Variants in CFAP20DC observed in about 807,000 individuals in gnomAD.
CFAP20DC encodes CFAP20 domain containing.
Under a neutral mutation model 101.7 loss-of-function variants are expected in CFAP20DC, and 84 were observed. The observed-to-expected ratio is 0.83, with a 90% confidence interval of 0.69 to 0.99. CFAP20DC has a LOEUF of 0.99. Ranked by LOEUF, CFAP20DC falls within the 50% of genes least tolerant of loss-of-function variation. The pLI, the probability that CFAP20DC is intolerant of heterozygous loss-of-function variation, is 0.00. For missense variants in CFAP20DC, 1,007 were observed against 970.3 expected, an observed-to-expected ratio of 1.04 and a Z score of -0.50; for synonymous variants, 359 against 351.2, an observed-to-expected ratio of 1.02 and a Z score of -0.25.
chr3:58,781,256 T>C (rs1199844727), intron 15 of CFAP20DC, among the ~76,000 whole-genome samples: 1 of 148,694 alleles, frequency 6.7e-6, no homozygotes, highest in Non-Finnish European at 1.5e-5. Flanking sequence ...AAAAACACAG[T>C]GTACCAAAAC....
At chr3:58,919,313 G>T (rs745877334) in intron 5 of CFAP20DC, among the ~76,000 whole-genome samples, 1 of 151,904 alleles carries the variant, frequency 6.6e-6, no homozygotes, top group Non-Finnish European at 1.5e-5. Context: ...CAATTTGCTC[G>T]TTCTTCTGTT....
chr3:59,003,966 T>A (rs1226811187), intron 4 of CFAP20DC, among the ~76,000 whole-genome samples: 1 of 152,226 alleles, frequency 6.6e-6, no homozygotes, highest in Non-Finnish European at 1.5e-5. Context: ...CTCTTCTCTT[T>A]GTGAAACATA....
At position 58,861,664 on chromosome 3, in the gene CFAP20DC, A is replaced by G. The variant is rs952966447; in HGVS notation, c.1593+1894T>C. 4 of 985,290 alleles carry G rather than the reference A, an allele frequency of 4.1e-6. No homozygotes were observed. The highest frequency in any genetic ancestry group is 4.8e-6 in the Non-Finnish European group (4 of 829,930). 61.0% of individuals were successfully genotyped at this position (985,290 alleles called of 1,614,324 possible). ...CTTGTATCTCGTTAGTCTCTGTACC[A>G]GCAAACCCCAAAGCTTGATAATGTG... On this transcript the variant is annotated intron_variant, in intron 12 of 16. Transcript: ENST00000482387. This position sits in a 1 kb window ranked among gnomAD's most constrained non-coding sequence, Gnocchi z 4.0.
intron 5 of CFAP20DC, among the ~76,000 whole-genome samples, chr3:58,932,969 A>C (rs2086935510): frequency 6.6e-6 from 1 of 152,242 alleles, no homozygotes; most frequent in Admixed American, 6.5e-5. Flanking sequence ...ATTAAAAAAC[A>C]CAGACTGGCA....
intron 4 of CFAP20DC, among the ~76,000 whole-genome samples, chr3:59,033,532 G>A (rs1442750838): frequency 6.6e-6 from 1 of 152,094 alleles, no homozygotes; most frequent in Non-Finnish European, 1.5e-5. Context: ...GAAAAACACA[G>A]CACAAGAATT....
At chr3:58,916,170 A>C (rs1222953741) in intron 5 of CFAP20DC, among the ~76,000 whole-genome samples, 1 of 152,046 alleles carries the variant, frequency 6.6e-6, no homozygotes, top group Non-Finnish European at 1.5e-5. Flanking sequence ...TTTGACTCTA[A>C]GTCTTCCCAT....
chr3:58,723,652 G>A (rs776770943), intron 3 of CFAP20DC, among the ~76,000 whole-genome samples: 1 of 152,202 alleles, frequency 6.6e-6, no homozygotes, highest in African/African-American at 2.4e-5. Flanking sequence ...TGACAGGCAG[G>A]TCTCTGCTCC....
chr3:58,782,304 T>C (rs1182417265), intron 15 of CFAP20DC, among the ~76,000 whole-genome samples: 1 of 151,992 alleles, frequency 6.6e-6, no homozygotes, highest in African/African-American at 2.4e-5. Flanking sequence ...AGGCCATATA[T>C]GACACACCCA....
intron 3 of CFAP20DC, among the ~76,000 whole-genome samples, chr3:59,045,303 G>A (rs1699762514): frequency 6.6e-6 from 1 of 151,680 alleles, no homozygotes; most frequent in Non-Finnish European, 1.5e-5. Context: ...CCAACAACAG[G>A]TCTTTTTATA....
intron 15 of CFAP20DC, among the ~76,000 whole-genome samples, chr3:58,805,948 A>C (rs2074023356): frequency 6.6e-6 from 1 of 152,250 alleles, no homozygotes; most frequent in African/African-American, 2.4e-5. Flanking sequence ...TATCTTGATA[A>C]ATTTAAGGGC....
At position 58,870,180 on chromosome 3, in the gene CFAP20DC, G is replaced by A; in HGVS notation, c.845C>T (p.Ser282Phe). The change falls in exon 8 of 17, where the codon TCC becomes TTC. Residue 282 changes from serine (S) to phenylalanine (F), a missense_variant. Coordinates refer to ENST00000482387, the MANE Select transcript of CFAP20DC (RefSeq NM_001394063.1). ...TCCAAACCTTGCTCCTACCTCGCTG[G>A]ATATCTTCATGTTATTCCTTCTGCC... Reference protein sequence around the residue: ...LSGRRNNMKISSETVRSVGSK... With the variant: ...LSGRRNNMKIFSETVRSVGSK... The A allele has an allele frequency of 6.2e-7, 1 of 1,613,974 alleles. No individual in the cohort carries two copies. The highest frequency in any genetic ancestry group is 8.5e-7 in the Non-Finnish European group (1 of 1,179,986).
At chr3:58,822,884 G>A (rs369752722) in intron 14 of CFAP20DC, among the ~76,000 whole-genome samples, 8 of 152,104 alleles carry the variant, frequency 5.3e-5, no homozygotes, top group African/African-American at 1.9e-4. Context: ...ACCCCCTGGA[G>A]CAGGTCATAA....
chr3:58,765,317 A>G (rs564858095), intron 15 of CFAP20DC, among the ~76,000 whole-genome samples: 2 of 152,158 alleles, frequency 1.3e-5, no homozygotes, highest in South Asian at 2.1e-4. Flanking sequence ...TACACATAAC[A>G]TTATATAAGA....
At chr3:58,984,552 T>C (rs2092689184) in intron 4 of CFAP20DC, among the ~76,000 whole-genome samples, 1 of 152,210 alleles carries the variant, frequency 6.6e-6, no homozygotes, top group Non-Finnish European at 1.5e-5. Context: ...CAAGATTTAA[T>C]TAGCTTACAG....
chr3:59,045,817 T>G (rs1699807857), intron 3 of CFAP20DC, among the ~76,000 whole-genome samples: 1 of 152,146 alleles, frequency 6.6e-6, no homozygotes, highest in African/African-American at 2.4e-5. Context: ...GAATGCTGAT[T>G]TTATTTCAAA....
intron 15 of CFAP20DC, among the ~76,000 whole-genome samples, chr3:58,766,255 T>G (rs2070301739): frequency 6.6e-6 from 1 of 152,216 alleles, no homozygotes; most frequent in African/African-American, 2.4e-5. Context: ...AAAGCCTTAT[T>G]TACAAAAACA....
At chr3:58,934,703 C>T (rs1384635725) in intron 5 of CFAP20DC, among the ~76,000 whole-genome samples, 8 of 152,110 alleles carry the variant, frequency 5.3e-5, no homozygotes, top group African/African-American at 1.7e-4. Flanking sequence ...GCAGAAAAGG[C>T]CTTTGACAAA....
intron 15 of CFAP20DC, among the ~76,000 whole-genome samples, chr3:58,765,364 A>C (rs528057382): frequency 1.3e-5 from 2 of 151,780 alleles, no homozygotes; most frequent in South Asian, 4.2e-4. Context: ...GTATACAGTA[A>C]GCATTTACTG....
At chr3:59,046,034 G>A (rs1268734265) in intron 3 of CFAP20DC, among the ~76,000 whole-genome samples, 195 bp downstream of exon 3, 1 of 151,982 alleles carries the variant, frequency 6.6e-6, no homozygotes, top group Non-Finnish European at 1.5e-5. Flanking sequence ...AGAAGATGGT[G>A]AGGTAGAATA....
Sources: allele counts gnomAD v4.1 joint callset (sites outside exome capture counted in the v4.1 genomes callset), GRCh38; gene constraint gnomAD v4.1.1; non-coding constraint Gnocchi (gnomAD v3.1); transcripts MANE v1.5; gene names NCBI Gene and HGNC (gene_info 2026-07-23, HGNC 2026-07-21).